The following MAMLD1 variants were observed in gnomAD, a reference collection of about 807,000 sequenced individuals.
The protein encoded by MAMLD1 is mastermind-like domain-containing protein 1.
MAMLD1 carries 14 observed loss-of-function variants against 45.0 expected under a neutral mutation model. That is an observed-to-expected ratio of 0.31 (90% confidence interval 0.21 to 0.49). The LOEUF is 0.49. Ranked by LOEUF, MAMLD1 falls within the 20% of genes least tolerant of loss-of-function variation. MAMLD1 has a pLI of 0.99. For missense variants in MAMLD1, 543 were observed against 603.6 expected (o/e 0.90, Z 1.05); for synonymous variants, 254 against 247.8 (o/e 1.02, Z -0.24).
intron 1 of MAMLD1, among the ~76,000 whole-genome samples, chrX:150,385,946 C>T (rs2032905178): frequency 9.0e-6 from 1 of 111,504 alleles, no homozygotes; most frequent in African/African-American, 3.3e-5. Context: ...CAATTTGTTT[C>T]CCAGCACTGC....
chrX:150,479,204 T>G (rs1557407012), intron 5 of MAMLD1, among the ~76,000 whole-genome samples: 1 of 112,145 alleles, frequency 8.9e-6, no homozygotes, highest in African/African-American at 3.2e-5. Context: ...ATGTCAACAT[T>G]TTTTTTCTAT....
chrX:150,390,806 C>T (rs1233620827), intron 1 of MAMLD1, among the ~76,000 whole-genome samples: 1 of 112,088 alleles, frequency 8.9e-6, no homozygotes, highest in Non-Finnish European at 1.9e-5. Flanking sequence ...TTATCATTTC[C>T]TGTCTGTTTG....
At position 150,470,541 on chromosome X, in the gene MAMLD1, G is replaced by T; in HGVS notation, c.968G>T (p.Gly323Val). Residue 323 changes from glycine to valine, a missense_variant, in exon 4 of 8, where the codon GGG becomes GTG. By Grantham distance (109) the Gly-to-Val change is moderately radical (BLOSUM62 -3). Transcript: ENST00000370401. The part of the protein sequence containing the change: ...SKQGSATKQQ[G>V]PTPSWSGLPP... ...CAGGGGTCTGCTACAAAGCAGCAAG[G>T]GCCCACCCCCAGTTGGTCTGGTCTG... 1 of 1,211,404 alleles carries T rather than the reference G, an allele frequency of 8.3e-7. No individual in the cohort carries two copies. Among genetic ancestry groups the T allele is most frequent in the Non-Finnish European group, 1.1e-6 (1 of 895,434 alleles).
chrX:150,468,500 C>T (rs921347423), intron 3 of MAMLD1, among the ~76,000 whole-genome samples: 5 of 111,795 alleles, frequency 4.5e-5, no homozygotes, highest in Non-Finnish European at 9.4e-5. Context: ...ATTTCCAGAT[C>T]CCTCTCTTCC....
At chrX:150,403,940 A>AAAAG (rs1167882848) in intron 1 of MAMLD1, among the ~76,000 whole-genome samples, 10,265 of 58,758 alleles carry the variant, frequency 0.17, 888 homozygotes, top group Admixed American at 0.19. Context: ...AGAAAGAAAG[A>AAAAG]AAAGAAAGAA....
intron 7 of MAMLD1, among the ~76,000 whole-genome samples, chrX:150,510,866 A>G (rs1477963961): frequency 1.8e-5 from 2 of 111,916 alleles, no homozygotes; most frequent in African/African-American, 6.5e-5. Flanking sequence ...TGGGCCTGAT[A>G]ACAGCGGAGT....
At chrX:150,365,549 G>C (rs940436007) in intron 1 of MAMLD1, among the ~76,000 whole-genome samples, 2 of 113,125 alleles carry the variant, frequency 1.8e-5, no homozygotes, top group Non-Finnish European at 3.8e-5. Context: ...GCTTTGCAGC[G>C]GGCGCCCCTC....
chrX:150,387,827 G>A (rs2033003161), intron 1 of MAMLD1, among the ~76,000 whole-genome samples: 2 of 111,093 alleles, frequency 1.8e-5, no homozygotes, highest in African/African-American at 6.5e-5. Context: ...TAATATTGTG[G>A]ATAACATGGA....
intron 1 of MAMLD1, among the ~76,000 whole-genome samples, chrX:150,375,242 G>A (rs782801642): frequency 9.0e-5 from 10 of 111,651 alleles, no homozygotes; most frequent in South Asian, 3.8e-4. Context: ...CATTTCCTTG[G>A]CCCTTGTTGA....
chrX:150,504,675 G>C (rs480199), intron 6 of MAMLD1: 1 of 742,557 alleles, frequency 1.3e-6, no homozygotes, highest in African/African-American at 2.3e-5. Flanking sequence ...GGAAGCCACA[G>C]ATGAAAGGAT....
In MAMLD1 at chrX:150,512,762, G is replaced by T. The variant is rs182200963; in HGVS notation, c.*803G>T. 86 of 1,152,451 alleles carry T rather than the reference G, an allele frequency of 7.5e-5. No homozygotes were observed. Among genetic ancestry groups the T allele is most frequent in the Non-Finnish European group, 9.3e-5 (81 of 870,968 alleles). 95.0% of individuals were successfully genotyped at this position (1,152,451 alleles called of 1,213,427 possible). The stretch of plus-strand genomic sequence containing the variant: ...AAGCTATGTGGCTGCTGCTGCCACC[G>T]CTGCTGCTGCTTCTGCCGTTGCTGC... On this transcript the variant is annotated 3_prime_UTR_variant, in exon 8 of 8. Coordinates refer to ENST00000370401, the MANE Select transcript of MAMLD1 (RefSeq NM_005491.5).
intron 5 of MAMLD1, among the ~76,000 whole-genome samples, chrX:150,492,784 C>G (rs2037228604): frequency 8.9e-6 from 1 of 112,404 alleles, no homozygotes; most frequent in Non-Finnish European, 1.9e-5. Context: ...CTCTCATACT[C>G]TCTGTCTTTA....
At chrX:150,450,794 A>G in intron 2 of MAMLD1, among the ~76,000 whole-genome samples, 1 of 112,059 alleles carries the variant, frequency 8.9e-6, no homozygotes, top group Non-Finnish European at 1.9e-5. Flanking sequence ...CAGCAGCCCC[A>G]CTACACTGAG....
intron 1 of MAMLD1, among the ~76,000 whole-genome samples, chrX:150,398,343 G>GAAGAAGAAAGAAGAAGAAGAA (rs1569564636): frequency 1.6e-4 from 9 of 56,452 alleles, no homozygotes; most frequent in African/African-American, 5.6e-4. Flanking sequence ...AAGAAGAAGA[G>GAAGAAGAAAGAAGAAGAAGAA]GAAGAGGAAG....
chrX:150,507,282 T>C (rs524619), intron 6 of MAMLD1, among the ~76,000 whole-genome samples: 37,221 of 111,763 alleles, frequency 0.33, 5,317 homozygotes, highest in East Asian at 0.66. Flanking sequence ...AAACCATTTG[T>C]CATTTCCTGT....
intron 3 of MAMLD1, among the ~76,000 whole-genome samples, chrX:150,466,615 C>T (rs950667720): frequency 5.3e-5 from 6 of 112,340 alleles, no homozygotes; most frequent in East Asian, 2.8e-4. Flanking sequence ...AAGTGGCATC[C>T]GCTCCAGCAG....
intron 1 of MAMLD1, among the ~76,000 whole-genome samples, chrX:150,429,040 G>T (rs2034819771): frequency 9.0e-6 from 1 of 111,634 alleles, no homozygotes. Context: ...GTTTTGTGTT[G>T]CCAGTCCTAT....
chrX:150,454,451 A>C (rs923329536), intron 2 of MAMLD1, among the ~76,000 whole-genome samples: 1 of 112,031 alleles, frequency 8.9e-6, no homozygotes, highest in Non-Finnish European at 1.9e-5. Flanking sequence ...CCTGTAGTTA[A>C]ATTTGACATA....
chrX:150,505,312 C>A (rs781865624), intron 6 of MAMLD1, among the ~76,000 whole-genome samples: 3 of 111,860 alleles, frequency 2.7e-5, no homozygotes, highest in Non-Finnish European at 3.8e-5. Context: ...CCTTAGGTTT[C>A]TGCCAGCACC....
Sources: gnomAD v4.1 joint callset for allele counts (sites outside exome capture counted in the v4.1 genomes callset) on GRCh38, gnomAD v4.1.1 for gene constraint, MANE v1.5 for transcripts, NCBI Gene and HGNC (gene_info 2026-07-23, HGNC 2026-07-21) for gene names.